The following PTGR1 variants were observed in gnomAD, a reference collection of about 807,000 sequenced individuals.
PTGR1 encodes the protein 15-oxoprostaglandin 13-reductase.
A neutral mutation model predicts 37.7 loss-of-function variants in PTGR1; 23 were observed. The ratio of observed to expected loss-of-function variants is 0.61; its 90% CI spans 0.44 to 0.86. The LOEUF is 0.86. Among genes scored for constraint, PTGR1 ranks in the 40% least tolerant of loss-of-function variants. PTGR1 has a pLI of 0.00. For missense variants in PTGR1, 351 were observed against 394.3 expected (o/e 0.89, Z 0.93); for synonymous variants, 134 against 140.0 (o/e 0.96, Z 0.30).
At chr9:111,598,667 G>T (rs1443342455) in intron 1 of PTGR1, among the ~76,000 whole-genome samples, 1 of 151,868 alleles carries the variant, frequency 6.6e-6, no homozygotes, top group African/African-American at 2.4e-5. Flanking sequence ...GCTAATTTTT[G>T]TACTTTTAGT....
At chr9:111,599,502 C>A (rs1453302390) in intron 1 of PTGR1, 101 bp downstream of exon 1, 1 of 152,334 alleles carries the variant, frequency 6.6e-6, no homozygotes, top group Non-Finnish European at 1.5e-5. Flanking sequence ...GGTCTAAGAG[C>A]AAACCTCCTC....
At chr9:111,570,630 T>A (rs916062915) in intron 8 of PTGR1, among the ~76,000 whole-genome samples, 1 of 150,160 alleles carries the variant, frequency 6.7e-6, no homozygotes, top group Non-Finnish European at 1.5e-5. Context: ...AAAAAAAAAA[T>A]TAGCTGGGCA....
chr9:111,552,053 GT>G (rs1446243757), intron 9 of PTGR1, among the ~76,000 whole-genome samples: 1 of 152,154 alleles, frequency 6.6e-6, no homozygotes, highest in Admixed American at 6.5e-5. Flanking sequence ...CAGGTCACAA[GT>G]TTTTCCCATT....
At chr9:111,564,257 G>C (rs954063689) in intron 9 of PTGR1, 2 of 956,846 alleles carry the variant, frequency 2.1e-6, no homozygotes, top group African/African-American at 3.6e-5. Flanking sequence ...TTACAAAGTA[G>C]GGAAGCTGAA....
intron 9 of PTGR1, among the ~76,000 whole-genome samples, chr9:111,555,517 C>T (rs1349422526): frequency 6.6e-6 from 1 of 152,126 alleles, no homozygotes; most frequent in Non-Finnish European, 1.5e-5. Context: ...TAAGGAACTA[C>T]CTGAGACTGG....
downstream of PTGR1, among the ~76,000 whole-genome samples, chr9:111,562,421 A>G (rs1224725662): frequency 6.6e-6 from 1 of 151,802 alleles, no homozygotes; most frequent in African/African-American, 2.4e-5. Flanking sequence ...GATTACAGGC[A>G]TGTGCCACCA....
At chr9:111,549,826 T>C (rs1474891009) in intron 9 of PTGR1, 13 of 1,392,788 alleles carry the variant, frequency 9.3e-6, no homozygotes, top group Non-Finnish European at 1.3e-5. Flanking sequence ...AACATTTAGC[T>C]CTTTGAGCAT....
intron 8 of PTGR1, 93 bp from the exon 9 acceptor site, chr9:111,570,302 T>C: frequency 6.7e-7 from 1 of 1,481,856 alleles, no homozygotes; most frequent in African/African-American, 1.4e-5. Flanking sequence ...TGCTTGGTGC[T>C]GGGAGTTTTT....
intron 4 of PTGR1, among the ~76,000 whole-genome samples, chr9:111,588,107 CT>C (rs1829496165): frequency 6.6e-6 from 1 of 151,132 alleles, no homozygotes; most frequent in African/African-American, 2.4e-5. Flanking sequence ...TCAACCTCCC[CT>C]GAGCTCAAAT....
chr9:111,584,114 T>C (rs1425123207), intron 5 of PTGR1, among the ~76,000 whole-genome samples: 3 of 152,194 alleles, frequency 2.0e-5, no homozygotes, highest in African/African-American at 7.2e-5. Flanking sequence ...CCAAGTAAGA[T>C]GTCAAAGTTA....
intron 7 of PTGR1, chr9:111,576,505 G>C: frequency 6.4e-7 from 1 of 1,553,610 alleles, no homozygotes; most frequent in Admixed American, 1.8e-5. Flanking sequence ...TCTGGTTCGG[G>C]GAAGAGCTGG....
intron 9 of PTGR1, among the ~76,000 whole-genome samples, chr9:111,555,269 A>C (rs1445446599): frequency 6.6e-6 from 1 of 152,122 alleles, no homozygotes; most frequent in Non-Finnish European, 1.5e-5. Flanking sequence ...ATTGATAATC[A>C]CCTGGCAAAA....
At chr9:111,579,077 A>G (rs1165543501) in intron 6 of PTGR1, 126 bp from the exon 7 acceptor site, 4 of 878,150 alleles carry the variant, frequency 4.6e-6, no homozygotes, top group Non-Finnish European at 6.6e-6. Flanking sequence ...CCACATATAA[A>G]AGGAATACCA....
Position 111,583,467 on chromosome 9 carries a change from C to T in PTGR1, c.495+5G>A. On this transcript the variant is annotated splice_donor_5th_base_variant and intron_variant, in intron 6 of 9. Transcript: ENST00000407693. ...AAAGGCTTGTTACTGGAGAAAGGCACTTACCTTGAGCTTTGCAATCTGCCC... is the reference window on the plus strand; with the variant it reads ...AAAGGCTTGTTACTGGAGAAAGGCATTTACCTTGAGCTTTGCAATCTGCCC... 6.3e-7 allele frequency: 1 copy of T among 1,594,554 alleles called. No individual in the cohort carries two copies. The highest frequency in any genetic ancestry group is 1.7e-5 in the Admixed American group (1 of 59,968).
In PTGR1 at chr9:111,572,791, A is replaced by T. The variant is rs112651079; in HGVS notation, c.760+1943T>A. Among the ~76,000 whole-genome samples, 100 of 149,542 alleles carry T rather than the reference A, an allele frequency of 6.7e-4. 2 individuals are homozygous for T. The highest frequency in any genetic ancestry group is 4.4e-3 in the South Asian group (21 of 4,732). On this transcript the variant is annotated intron_variant, in intron 8 of 9. Coordinates refer to ENST00000407693, the MANE Select transcript of PTGR1 (RefSeq NM_001146108.2). ...AAAAAAAAAAAAAAATTAAAAAATT[A>T]AAAAAAAAATCTCCAGTCTGGGAAA...
At chr9:111,593,041 T>C in intron 3 of PTGR1, 59 bp from the exon 4 acceptor site, 1 of 1,527,140 alleles carries the variant, frequency 6.5e-7, no homozygotes, top group Middle Eastern at 2.4e-4. Flanking sequence ...AAAATTCCAT[T>C]CTTAATACAT....
rs1446286318 is a variant in PTGR1, at chr9:111,586,061, A to T, written c.314T>A (p.Leu105Gln). 6.2e-7 allele frequency: 1 copy of T among 1,614,238 alleles called. No individual in the cohort carries two copies. The highest frequency in any genetic ancestry group is 8.5e-7 in the Non-Finnish European group (1 of 1,180,040). The change falls in exon 5 of 10, where the codon CTG becomes CAG. Residue 105 changes from leucine to glutamine, a missense_variant. Transcript: ENST00000407693. Reference sequence around the variant, plus strand: ...TATTGTGTCTGGCCACTCTGTCAGCAGCTTTTCCAGATCTTTCCCATCAGA... The same window carrying T: ...TATTGTGTCTGGCCACTCTGTCAGCTGCTTTTCCAGATCTTTCCCATCAGA... The part of the protein sequence containing the change: ...SISDGKDLEK[L>Q]LTEWPDTIPL...
chr9:111,577,314 G>A (rs866871889), intron 7 of PTGR1: 1 of 152,142 alleles, frequency 6.6e-6, no homozygotes, highest in African/African-American at 2.4e-5. Context: ...ACAATAGCAC[G>A]TGTTGGTGAG....
At chr9:111,557,353 G>A (rs755518703) in intron 9 of PTGR1, among the ~76,000 whole-genome samples, 28 of 151,034 alleles carry the variant, frequency 1.9e-4, no homozygotes, top group Non-Finnish European at 3.1e-4. Context: ...CAGTTTGGGC[G>A]ACAGATCGAG....
Sources: allele counts gnomAD v4.1 joint callset (sites outside exome capture counted in the v4.1 genomes callset), GRCh38; gene constraint gnomAD v4.1.1; transcripts MANE v1.5; gene names NCBI Gene and HGNC (gene_info 2026-07-23, HGNC 2026-07-21).